The following GIGYF2 variants were observed in gnomAD, a reference collection of about 807,000 sequenced individuals.
GIGYF2 encodes the protein GRB10-interacting GYF protein 2.
In GIGYF2, 25 loss-of-function variants were observed where a neutral mutation model predicts 208.1. That is an observed-to-expected ratio of 0.12 (90% CI 0.09 to 0.17). GIGYF2 has a LOEUF of 0.17. Among genes scored for constraint, GIGYF2 ranks in the 10% least tolerant of loss-of-function variants. GIGYF2 has a pLI of 1.00. For missense variants in GIGYF2, 1,302 were observed against 1,579.4 expected (o/e 0.82, Z 2.98); for synonymous variants, 534 against 543.8 (o/e 0.98, Z 0.25).
rs149790610 is a variant in GIGYF2 at position 232,721,017 on chromosome 2, G to A, written c.-43-14138G>A. 1.9e-3 allele frequency among the ~76,000 whole-genome samples: 285 copies of A among 152,308 alleles called. 3 individuals carry two copies. Among genetic ancestry groups the A allele is most frequent in the African/African-American group, 6.5e-3 (271 of 41,564 alleles). On this transcript the variant is annotated intron_variant, in intron 2 of 28. Transcript: ENST00000373563. ...GGCCAGAGGAGGGAGGGAAGAACCC[G>A]ATCATCTTCTCTGTCAGAGTTGCTT...
At chr2:232,776,265 T>G (rs1223330974) in intron 8 of GIGYF2, 50 of 493,050 alleles carry the variant, frequency 1.0e-4, no homozygotes. Flanking sequence ...AATATGGCTG[T>G]TATTGCATTT....
At chr2:232,804,971 A>T (rs1289334084) in intron 14 of GIGYF2, among the ~76,000 whole-genome samples, 1 of 147,600 alleles carries the variant, frequency 6.8e-6, no homozygotes, top group Non-Finnish European at 1.5e-5. Flanking sequence ...ACTATATGTG[A>T]TTTTTTTTTA....
At chr2:232,789,860 G>A (rs1700019168) in intron 9 of GIGYF2, among the ~76,000 whole-genome samples, 2 of 151,940 alleles carry the variant, frequency 1.3e-5, no homozygotes, top group Admixed American at 1.3e-4. Flanking sequence ...AATATCTTAA[G>A]TAGGATCTCT....
chr2:232,848,680 T>G (rs1288990527), intron 27 of GIGYF2, among the ~76,000 whole-genome samples: 1 of 151,964 alleles, frequency 6.6e-6, no homozygotes, highest in East Asian at 1.9e-4. Flanking sequence ...GCACAAAAAT[T>G]TGGAAAACAT....
At chr2:232,760,059 G>T in intron 6 of GIGYF2, 1 of 168,356 alleles carries the variant, frequency 5.9e-6, no homozygotes, top group Non-Finnish European at 1.3e-5. Flanking sequence ...TAACTTTTAT[G>T]CTTGACTTTT....
At chr2:232,799,082 C>T (rs1189923508) in intron 14 of GIGYF2, among the ~76,000 whole-genome samples, 2 of 151,966 alleles carry the variant, frequency 1.3e-5, no homozygotes, top group Non-Finnish European at 2.9e-5. Flanking sequence ...TGGCTTATTT[C>T]ACTTAGCATA....
chr2:232,824,472 C>T (rs906199733), intron 21 of GIGYF2, among the ~76,000 whole-genome samples: 3 of 152,162 alleles, frequency 2.0e-5, no homozygotes, highest in East Asian at 1.9e-4. Context: ...TCAGACCAGC[C>T]GCAACATTCC....
chr2:232,703,256 C>T (rs1460911746), intron 1 of GIGYF2, among the ~76,000 whole-genome samples, 168 bp from the exon 2 acceptor site: 1 of 152,196 alleles, frequency 6.6e-6, no homozygotes, highest in Non-Finnish European at 1.5e-5. Flanking sequence ...ACTACTGAGA[C>T]TTTCTAGATG....
intron 8 of GIGYF2, among the ~76,000 whole-genome samples, chr2:232,773,250 C>G (rs1559420252): frequency 6.6e-6 from 1 of 152,128 alleles, no homozygotes; most frequent in African/African-American, 2.4e-5. Flanking sequence ...GACCTGATCT[C>G]TACGCTTTGG....
intron 1 of GIGYF2, chr2:232,698,235 GT>G (rs2106235128): frequency 6.6e-6 from 1 of 152,292 alleles, no homozygotes; most frequent in African/African-American, 2.4e-5. Context: ...TTAGTACTGT[GT>G]TTTTTATTTT....
intron 22 of GIGYF2, among the ~76,000 whole-genome samples, chr2:232,835,082 A>G (rs1408495423): frequency 6.6e-6 from 1 of 152,146 alleles, no homozygotes; most frequent in African/African-American, 2.4e-5. Flanking sequence ...AAGTGAGAAC[A>G]TGCAGTATTT....
chr2:232,700,891 A>G (rs907152562), intron 1 of GIGYF2, among the ~76,000 whole-genome samples: 1 of 152,184 alleles, frequency 6.6e-6, no homozygotes, highest in Non-Finnish European at 1.5e-5. Flanking sequence ...GTTTCCATTC[A>G]TTTTTAATAC....
chr2:232,711,318 C>T (rs1367749272), intron 2 of GIGYF2, among the ~76,000 whole-genome samples: 1 of 142,990 alleles, frequency 7.0e-6, no homozygotes, highest in East Asian at 2.1e-4. Context: ...CAGGCTTTGT[C>T]ATTTTTTCTT....
chr2:232,847,891 G>GT (rs1289761754), intron 27 of GIGYF2, among the ~76,000 whole-genome samples: 1 of 152,296 alleles, frequency 6.6e-6, no homozygotes, highest in South Asian at 2.1e-4. Context: ...AACTTAAAAT[G>GT]TTGAATTTTC....
At position 232,794,739 on chromosome 2, in the gene GIGYF2, T is replaced by G; in HGVS notation, c.1283-9T>G. 6.2e-7 allele frequency: 1 copy of G among 1,607,968 alleles called. No individual in the cohort carries two copies. On this transcript the variant is annotated splice_polypyrimidine_tract_variant and intron_variant, in intron 12 of 28. Coordinates refer to ENST00000373563, the MANE Select transcript of GIGYF2 (RefSeq NM_001103146.3). ...TTCAAAGGATTTTCATCTGATTTTT[T>G]CCCCCTAGAAATGGTTGCTGATGTC... is the stretch of plus-strand genomic sequence containing the variant.
At chr2:232,827,983 TTTC>T in intron 21 of GIGYF2, among the ~76,000 whole-genome samples, 1 of 150,826 alleles carries the variant, frequency 6.6e-6, no homozygotes, top group East Asian at 1.9e-4. Context: ...TTGGGAGCCT[TTTC>T]TTTTCTTTTT....
chr2:232,788,483 C>T (rs749220851), intron 9 of GIGYF2: 5 of 433,522 alleles, frequency 1.2e-5, no homozygotes, highest in South Asian at 1.7e-5. Context: ...TGAGCTTGTC[C>T]GTAGGCAGAG....
At position 232,787,034 on chromosome 2, in the gene GIGYF2, T is replaced by C. The variant is rs1322699793; in HGVS notation, c.533-116T>C. Reference sequence around the variant, plus strand: ...CCCACTGTTATTTTAGTGATTTTTTTCTGAATATTGAAATGGACCCATTTG... The same window carrying C: ...CCCACTGTTATTTTAGTGATTTTTTCCTGAATATTGAAATGGACCCATTTG... On this transcript the variant is annotated intron_variant, in intron 8 of 28. Transcript: ENST00000373563. 1.3e-4 allele frequency: 96 copies of C among 732,406 alleles called. 1 individual carries two copies. In the South Asian group the frequency reaches 1.4e-3, roughly 10 times the overall value. The allele number at this position is 732,406 out of a possible 1,614,324, so 45.4% of individuals were successfully genotyped here.
At chr2:232,717,049 A>G (rs1297536576) in intron 2 of GIGYF2, among the ~76,000 whole-genome samples, 1 of 151,922 alleles carries the variant, frequency 6.6e-6, no homozygotes, top group Non-Finnish European at 1.5e-5. Context: ...CCTGGGCTCA[A>G]GCAATCCAGC....
Sources: gnomAD v4.1 joint callset for allele counts (sites outside exome capture counted in the v4.1 genomes callset) on GRCh38, gnomAD v4.1.1 for gene constraint, MANE v1.5 for transcripts, NCBI Gene and HGNC (gene_info 2026-07-23, HGNC 2026-07-21) for gene names.